ARHGAP11A: variants seen among roughly 807,000 people sequenced by gnomAD.
ARHGAP11A encodes rho GTPase-activating protein 11A.
In ARHGAP11A, 36 loss-of-function variants were observed where a neutral mutation model predicts 60.5. The ratio of observed to expected loss-of-function variants is 0.59; its 90% CI spans 0.46 to 0.79. The LOEUF (loss-of-function observed/expected upper bound fraction) is 0.79. ARHGAP11A is among the 30% of genes least tolerant of loss of function. The pLI, the probability that ARHGAP11A is intolerant of heterozygous loss-of-function variation, is 0.00. For missense variants in ARHGAP11A, 1,071 were observed against 1,199.2 expected, an observed-to-expected ratio of 0.89 and a Z score of 1.58; for synonymous variants, 362 against 415.5, an observed-to-expected ratio of 0.87 and a Z score of 1.57.
rs755076670 is a variant in ARHGAP11A, at chr15:32,637,126, C to G, written c.2353C>G (p.Gln785Glu). The change falls in exon 12 of 12, where the codon CAG becomes GAG. Residue 785 changes from glutamine (Q) to glutamate (E), a missense_variant. Physicochemically the swap from Gln to Glu is conservative, Grantham distance 29 (BLOSUM62 2). Coordinates refer to ENST00000361627, the MANE Select transcript of ARHGAP11A (RefSeq NM_014783.6). The part of the protein sequence containing the change: ...SKPRPMRIAK[Q>E]QSLETCEKTV... ...ACCTAGGCCTATGAGAATTGCTAAA[C>G]AGCAGTCATTGGAAACATGTGAGAA... The G allele has an allele frequency of 2.5e-6, 4 of 1,614,050 alleles. No individual in the cohort carries two copies. In the South Asian group the frequency reaches 3.3e-5, roughly 13 times the overall value.
At chr15:32,622,373 G>C (rs897636247) in intron 2 of ARHGAP11A, among the ~76,000 whole-genome samples, 4 of 152,070 alleles carry the variant, frequency 2.6e-5, no homozygotes, top group Non-Finnish European at 5.9e-5. Context: ...AGCAGTGATC[G>C]CACCACTCCA....
chr15:32,636,341 G>A lies in ARHGAP11A; in HGVS notation c.1568G>A (p.Gly523Glu). 1 of 1,614,018 alleles carries A rather than the reference G, an allele frequency of 6.2e-7. No individual in the cohort carries two copies. Among genetic ancestry groups the A allele is most frequent in the Non-Finnish European group, 8.5e-7 (1 of 1,179,964 alleles). The change falls in exon 12 of 12, where the codon GGA becomes GAA. Residue 523 changes from glycine (G) to glutamate (E), a missense_variant. Physicochemically the swap from Gly to Glu is moderately conservative, Grantham distance 98 (BLOSUM62 -2). Transcript: ENST00000361627. The part of the protein sequence containing the change: ...VGTNYRMSWT[G>E]PNNSSFQEVD... Reference sequence around the variant, plus strand: ...ACAAATTACCGGATGTCTTGGACAGGACCTAATAATTCAAGTTTTCAAGAA... The same window carrying A: ...ACAAATTACCGGATGTCTTGGACAGAACCTAATAATTCAAGTTTTCAAGAA...
At chr15:32,618,444 TA>T (rs1437429942) in intron 1 of ARHGAP11A, among the ~76,000 whole-genome samples, 1 of 152,264 alleles carries the variant, frequency 6.6e-6, no homozygotes, top group Non-Finnish European at 1.5e-5. Context: ...TAGTTCAGCT[TA>T]AAATGATGAT....
chr15:32,627,029 T>TGGA (rs2053474922), intron 6 of ARHGAP11A, among the ~76,000 whole-genome samples: 1 of 152,242 alleles, frequency 6.6e-6, no homozygotes, highest in African/African-American at 2.4e-5. Context: ...CTATCCCCAA[T>TGGA]GGAGATATTT....
intron 1 of ARHGAP11A, among the ~76,000 whole-genome samples, chr15:32,619,127 T>C (rs2053237436): frequency 6.6e-6 from 1 of 152,218 alleles, no homozygotes; most frequent in South Asian, 2.1e-4. Context: ...GTGGTTTTTA[T>C]TGTAAATATA....
rs543280940 is a variant in ARHGAP11A at position 32,617,019 on chromosome 15, G to GT, written c.129+683dup. On this transcript the variant is annotated intron_variant, in intron 1 of 11. Coordinates refer to ENST00000361627, the MANE Select transcript of ARHGAP11A (RefSeq NM_014783.6). ...GTGGAATAATTGAGAAGTTGTTGATGTTTTGGTGGTTGAAATAAAGGGATT... is the reference window on the plus strand; with the variant it reads ...GTGGAATAATTGAGAAGTTGTTGATGTTTTTGGTGGTTGAAATAAAGGGATT... Among the ~76,000 whole-genome samples the GT allele has an allele frequency of 8.7e-3, 1,321 of 152,232 alleles. 8 individuals are homozygous for GT. The highest frequency in any genetic ancestry group is 0.013 in the Non-Finnish European group (903 of 68,018).
At position 32,625,494 on chromosome 15, in the gene ARHGAP11A, A is replaced by G. The variant is rs2053436508; in HGVS notation, c.723A>G (p.Val241=). The G allele has an allele frequency of 6.2e-7, 1 of 1,613,812 alleles. No individual in the cohort carries two copies. The highest frequency in any genetic ancestry group is 8.5e-7 in the Non-Finnish European group (1 of 1,179,846). Residue 241 remains valine (V), a synonymous_variant, in exon 6 of 12, where the codon GTA becomes GTG. Coordinates refer to ENST00000361627, the MANE Select transcript of ARHGAP11A (RefSeq NM_014783.6). The stretch of plus-strand genomic sequence containing the variant: ...GTGAACATTTTCATTTAGGGCGTGT[A>G]CCAGATTTTATCCTGGAAAAGATAC... ...LIDYASDIGR[V]PDFILEKIPA... is the part of the protein sequence containing the mutation.
In ARHGAP11A at chr15:32,638,085, G is replaced by GCCT. The variant is rs1351635391; in HGVS notation, c.*241_*242insCTC. The GCCT allele has an allele frequency of 4.2e-6, 2 of 475,424 alleles. No homozygotes were observed. Among genetic ancestry groups the GCCT allele is most frequent in the Non-Finnish European group, 7.3e-6 (2 of 272,342 alleles). 29.5% of individuals were successfully genotyped at this position (475,424 alleles called of 1,614,324 possible). On this transcript the variant is annotated 3_prime_UTR_variant, in exon 12 of 12. Transcript: ENST00000361627. The stretch of plus-strand genomic sequence containing the variant: ...TTTAATTTTATTGTGATCTCTTAAA[G>GCCT]CAGAGGTTAGACTTTACCTTTCTGA...
intron 1 of ARHGAP11A, 88 bp from the exon 2 acceptor site, chr15:32,620,020 T>A: frequency 1.3e-6 from 2 of 1,552,900 alleles, no homozygotes; most frequent in Admixed American, 4.0e-5. Context: ...TTTTTTTAAT[T>A]TCCTGAGTTC....
In ARHGAP11A at chr15:32,632,746, A is replaced by G. The variant is rs183531852; in HGVS notation, c.1106-233A>G. 1.6e-3 allele frequency: 545 copies of G among 338,668 alleles called. 7 individuals are homozygous for G. Among genetic ancestry groups the G allele is most frequent in the South Asian group, 0.012 (165 of 14,172 alleles). The allele number at this position is 338,668 out of a possible 1,614,324, so 21.0% of individuals were successfully genotyped here. ...AGAGTTTAAAGAAAAGCTCTAATAT[A>G]AAAGTAATGCTTAAGCTGACCTTTA... is the stretch of plus-strand genomic sequence containing the variant. On this transcript the variant is annotated intron_variant, in intron 8 of 11. Coordinates refer to ENST00000361627, the MANE Select transcript of ARHGAP11A (RefSeq NM_014783.6).
chr15:32,630,028 C>G (rs866833231), intron 8 of ARHGAP11A, among the ~76,000 whole-genome samples: 17 of 116,196 alleles, frequency 1.5e-4, no homozygotes, highest in Middle Eastern at 3.8e-3. Context: ...GTTTGGGCTT[C>G]TGGTGATAGC....
At position 32,636,407 on chromosome 15, in the gene ARHGAP11A, AG is replaced by A; in HGVS notation, c.1636del (p.Val546Ter). On this transcript the variant is annotated frameshift_variant, in exon 12 of 12. Coordinates refer to ENST00000361627, the MANE Select transcript of ARHGAP11A (RefSeq NM_014783.6). LOFTEE classifies it low-confidence loss of function (END_TRUNC). ...GCTTCTTCAATGGTGGAAAATCTTGAGGTAGAAAACTCTTTGGAGCCTGATA... is the reference window on the plus strand; with the variant it reads ...GCTTCTTCAATGGTGGAAAATCTTGAGTAGAAAACTCTTTGGAGCCTGATA... ...NEASSMVENL[E>X]VENSLEPDIM... 1 of 1,614,088 alleles carries A rather than the reference AG, an allele frequency of 6.2e-7. No homozygotes were observed. Among genetic ancestry groups the A allele is most frequent in the Non-Finnish European group, 8.5e-7 (1 of 1,179,986 alleles).
chr15:32,625,726 T>C (rs1259222563), intron 6 of ARHGAP11A, 93 bp downstream of exon 6: 12 of 1,339,192 alleles, frequency 9.0e-6, no homozygotes, highest in Non-Finnish European at 1.2e-5. Flanking sequence ...GTATGTGCCT[T>C]TTTGGTGCTT....
intron 4 of ARHGAP11A, among the ~76,000 whole-genome samples, chr15:32,624,869 T>C (rs1342190682): frequency 2.0e-5 from 3 of 151,792 alleles, no homozygotes; most frequent in African/African-American, 7.3e-5. Context: ...ACTCTAAGAT[T>C]AGCATGGTTT....
At position 32,635,931 on chromosome 15, in the gene ARHGAP11A, A is replaced by G. The variant is rs181277488; in HGVS notation, c.1483+16A>G. The G allele has an allele frequency of 2.6e-3, 4,035 of 1,576,980 alleles. 7 individuals are homozygous for G. Among genetic ancestry groups the G allele is most frequent in the Admixed American group, 4.6e-3 (234 of 51,392 alleles). On this transcript the variant is annotated intron_variant, in intron 11 of 11. Coordinates refer to ENST00000361627, the MANE Select transcript of ARHGAP11A (RefSeq NM_014783.6). Reference sequence around the variant, plus strand: ...CCAAAGAAAGGTACATTTACATACTACTGTTAGAGTTTTACCTAAAAATCC... The same window carrying G: ...CCAAAGAAAGGTACATTTACATACTGCTGTTAGAGTTTTACCTAAAAATCC...
intron 1 of ARHGAP11A, among the ~76,000 whole-genome samples, chr15:32,617,177 A>G (rs1348803799): frequency 6.6e-6 from 1 of 152,200 alleles, no homozygotes; most frequent in African/African-American, 2.4e-5. Context: ...GAGACAAGCT[A>G]ATAAAATTAA....
At chr15:32,618,767 C>T (rs1001498664) in intron 1 of ARHGAP11A, among the ~76,000 whole-genome samples, 1 of 143,138 alleles carries the variant, frequency 7.0e-6, no homozygotes, top group Non-Finnish European at 1.5e-5. Context: ...AACCCCCCCC[C>T]CCCCGCCCCA....
intron 9 of ARHGAP11A, 53 bp from the exon 10 acceptor site, chr15:32,633,880 A>G: frequency 9.1e-7 from 1 of 1,097,410 alleles, no homozygotes; most frequent in Non-Finnish European, 1.3e-6. Context: ...TATTTCAAGT[A>G]TTTCTCTGGT....
chr15:32,625,761 G>A (rs908443322), intron 6 of ARHGAP11A, 128 bp downstream of exon 6: 93 of 924,528 alleles, frequency 1.0e-4, no homozygotes, highest in South Asian at 5.9e-4. Context: ...AAGATAGGAC[G>A]TATGCGTGTA....
Sources: gnomAD v4.1 joint callset for allele counts (sites outside exome capture counted in the v4.1 genomes callset) on GRCh38, gnomAD v4.1.1 for gene constraint, MANE v1.5 for transcripts, NCBI Gene and HGNC (gene_info 2026-07-23, HGNC 2026-07-21) for gene names.